Variants in TEKT2 observed in about 807,000 individuals in gnomAD.
TEKT2 encodes tektin-2.
Under a neutral mutation model 49.8 loss-of-function variants are expected in TEKT2, and 45 were observed. The ratio of observed to expected loss-of-function variants is 0.90; its 90% CI spans 0.71 to 1.16. The LOEUF (loss-of-function observed/expected upper bound fraction) is 1.16, where lower values mean the gene tolerates loss of function less well. Among genes scored for constraint, TEKT2 ranks in the 50% most tolerant of loss-of-function variants. The pLI is 0.00. For synonymous variants in TEKT2, 202 were observed against 224.6 expected, an observed-to-expected ratio of 0.90 and a Z score of 0.90; for missense variants, 523 against 551.4, an observed-to-expected ratio of 0.95 and a Z score of 0.52.
rs1484474839 is a variant in TEKT2, at chr1:36,087,054, C to A, written c.747+9C>A. 6.2e-7 allele frequency: 1 copy of A among 1,612,820 alleles called. No homozygotes were observed. The highest frequency in any genetic ancestry group is 1.7e-5 in the Admixed American group (1 of 59,974). On this transcript the variant is annotated intron_variant, in intron 6 of 9. Coordinates refer to ENST00000207457, the MANE Select transcript of TEKT2 (RefSeq NM_014466.3). This position sits in a 1 kb window ranked among gnomAD's most constrained non-coding sequence, Gnocchi z 4.9. ...CTCTAACTATTGCTGAGGTGACAGG[C>A]CACCCACAGCTAATGGATGGTCCCA...
At position 36,087,381 on chromosome 1, in the gene TEKT2, T is replaced by C. The variant is rs1643398367; in HGVS notation, c.856-58T>C. 6.2e-7 allele frequency: 1 copy of C among 1,613,750 alleles called. No homozygotes were observed. Among genetic ancestry groups the C allele is most frequent in the Non-Finnish European group, 8.5e-7 (1 of 1,179,960 alleles). On this transcript the variant is annotated intron_variant, in intron 7 of 9. Coordinates refer to ENST00000207457, the MANE Select transcript of TEKT2 (RefSeq NM_014466.3). The surrounding 1 kb of genome is among the most constrained non-coding windows in gnomAD (Gnocchi z 4.9). ...GCCGCATGCCCCCGCCAGGAGGCAC[T>C]GGACCAGGCATGCACGTGAGTCCAG...
chr1:36,086,149 A>G, intron 4 of TEKT2, 108 bp downstream of exon 4: 5 of 1,307,422 alleles, frequency 3.8e-6, no homozygotes, highest in Non-Finnish European at 5.4e-6. Flanking sequence ...CTCGTGCTAC[A>G]TTTTGGCCCT....
Position 36,087,583 on chromosome 1 carries a change from G to A in TEKT2, c.999+1G>A. ...CAACGTGGAACTCTGCCGGGACCAG[G>A]TGAGAGGGTGTCCCAGTGGCGCACG... On this transcript the variant is annotated splice_donor_variant, in intron 8 of 9. Coordinates refer to ENST00000207457, the MANE Select transcript of TEKT2 (RefSeq NM_014466.3). LOFTEE classifies it high-confidence loss of function. The surrounding 1 kb of genome is among the most constrained non-coding windows in gnomAD (Gnocchi z 4.9). 1.9e-6 allele frequency: 3 copies of A among 1,613,756 alleles called. No individual in the cohort carries two copies. The highest frequency in any genetic ancestry group is 2.5e-6 in the Non-Finnish European group (3 of 1,180,022).
rs1467044574 is a variant in TEKT2, at chr1:36,084,106, T to C, written c.-96T>C. The C allele has an allele frequency of 6.6e-6, 1 of 152,114 alleles. No individual in the cohort carries two copies. Among genetic ancestry groups the C allele is most frequent in the Non-Finnish European group, 1.5e-5 (1 of 68,092 alleles). The allele number at this position is 152,114 out of a possible 1,614,324, so 9.4% of individuals were successfully genotyped here. ...CCTAGCAACCGGTGGTGCCAAACAC[T>C]GGAGCTCAGAGCGGGGGGCGCGGAG... On this transcript the variant is annotated 5_prime_UTR_variant, in exon 1 of 10. Transcript: ENST00000207457. This position sits in a 1 kb window ranked among gnomAD's most constrained non-coding sequence, Gnocchi z 4.1.
At position 36,087,508 on chromosome 1, in the gene TEKT2, C is replaced by G; in HGVS notation, c.925C>G (p.Leu309Val). 6.2e-7 allele frequency: 1 copy of G among 1,613,852 alleles called. No individual in the cohort carries two copies. The highest frequency in any genetic ancestry group is 8.5e-7 in the Non-Finnish European group (1 of 1,180,028). ...HLEEDLRTKL[L>V]SLKLSHTRLE... is the part of the protein sequence containing the mutation. ...GGAGGAGGATCTGCGCACAAAGCTC[C>G]TGAGCCTGAAGCTGTCCCATACCCG... The change falls in exon 8 of 10, where the codon CTG becomes GTG. Residue 309 changes from leucine to valine, a missense_variant. Coordinates refer to ENST00000207457, the MANE Select transcript of TEKT2 (RefSeq NM_014466.3). The surrounding 1 kb of genome is among the most constrained non-coding windows in gnomAD (Gnocchi z 4.9).
In TEKT2 at chr1:36,086,999, A is replaced by C; in HGVS notation, c.701A>C (p.Lys234Thr). Residue 234 changes from lysine to threonine, a missense_variant, in exon 6 of 10, where the codon AAG becomes ACG. By Grantham distance (78) the Lys-to-Thr change is moderately conservative. Transcript: ENST00000207457. ...FNKDRAEAEM[K>T]AATELREATA... ...AAGGACCGAGCGGAGGCTGAGATGA[A>C]GGCAGCCACAGAGCTGAGGGAGGCC... 6.2e-7 allele frequency: 1 copy of C among 1,613,986 alleles called. No individual in the cohort carries two copies. Among genetic ancestry groups the C allele is most frequent in the Non-Finnish European group, 8.5e-7 (1 of 1,180,020 alleles).
rs766262806 is a variant in TEKT2, at chr1:36,085,821, C to T, written c.283-15C>T. The T allele has an allele frequency of 1.1e-4, 182 of 1,611,094 alleles. No homozygotes were observed. Among genetic ancestry groups the T allele is most frequent in the Middle Eastern group, 3.3e-4 (2 of 6,080 alleles). On this transcript the variant is annotated splice_polypyrimidine_tract_variant and intron_variant, in intron 3 of 9. Coordinates refer to ENST00000207457, the MANE Select transcript of TEKT2 (RefSeq NM_014466.3). ...AGATGTGAGCCACCGTGCCCGGCCGCGCCCTCTTTTCTAGATGAAGGAGTC... is the reference window on the plus strand; with the variant it reads ...AGATGTGAGCCACCGTGCCCGGCCGTGCCCTCTTTTCTAGATGAAGGAGTC...
rs771597143 is a variant in TEKT2, at chr1:36,085,024, T to C, written c.103T>C (p.Ser35Pro). 24 of 1,613,858 alleles carry C rather than the reference T, an allele frequency of 1.5e-5. No homozygotes were observed. The highest frequency in any genetic ancestry group is 1.7e-5 in the Non-Finnish European group (20 of 1,180,028). The change falls in exon 2 of 10, where the codon TCC becomes CCC. Residue 35 changes from serine to proline, a missense_variant. Physicochemically the swap from Ser to Pro is moderately conservative, Grantham distance 74 (BLOSUM62 -1). Coordinates refer to ENST00000207457, the MANE Select transcript of TEKT2 (RefSeq NM_014466.3). Reference sequence around the variant, plus strand: ...CAATGCCCAGCTGCAGCGAGATGCTTCCCATCAGATCCGCCAGGAGGCCCG... The same window carrying C: ...CAATGCCCAGCTGCAGCGAGATGCTCCCCATCAGATCCGCCAGGAGGCCCG... ...STNAQLQRDA[S>P]HQIRQEARVL...
At position 36,085,866 on chromosome 1, in the gene TEKT2, G is replaced by A. The variant is rs370996150; in HGVS notation, c.313G>A (p.Ala105Thr). The stretch of plus-strand genomic sequence containing the variant: ...GGAGTCAGCAGAGCAAAACCTGCAG[G>A]CCAAGAACCTGCCTCTGGATGTGGC... ...MKESAEQNLQ[A>T]KNLPLDVAIE... is the part of the protein sequence containing the mutation. Residue 105 changes from alanine to threonine, a missense_variant, in exon 4 of 10, where the codon GCC (alanine) becomes ACC (threonine). Coordinates refer to ENST00000207457, the MANE Select transcript of TEKT2 (RefSeq NM_014466.3). 53 of 1,613,786 alleles carry A rather than the reference G, an allele frequency of 3.3e-5. No homozygotes were observed. The Admixed American group carries it at 5.3e-4, about 16-fold the overall frequency.
chr1:36,085,186 C>A lies in TEKT2; in HGVS notation c.180C>A (p.Asn60Lys), dbSNP rs1281935619. Reference sequence around the variant, plus strand: ...AGACCATTTGGGATGAACATGACAACAGGACTCGACTGGTGGAGAGGATTG... The same window carrying A: ...AGACCATTTGGGATGAACATGACAAAAGGACTCGACTGGTGGAGAGGATTG... Reference protein sequence around the residue: ...NNQTIWDEHDNRTRLVERIDT... With the variant: ...NNQTIWDEHDKRTRLVERIDT... The change falls in exon 3 of 10, where the codon AAC (asparagine) becomes AAA (lysine). Residue 60 changes from asparagine (N) to lysine (K), a missense_variant. Coordinates refer to ENST00000207457, the MANE Select transcript of TEKT2 (RefSeq NM_014466.3). The A allele has an allele frequency of 3.1e-6, 5 of 1,614,122 alleles. No individual in the cohort carries two copies. The African/African-American group carries it at 5.3e-5, about 17-fold the overall frequency.
intron 3 of TEKT2, 178 bp from the exon 4 acceptor site, chr1:36,085,658 T>C (rs1365730201): frequency 1.4e-6 from 1 of 693,034 alleles, no homozygotes; most frequent in South Asian, 1.7e-5. Flanking sequence ...TAGCTGGGAC[T>C]ACAGGCGTGC....
Position 36,086,916 on chromosome 1 carries a change from C to A in TEKT2, c.633-15C>A. Reference sequence around the variant, plus strand: ...GCCACACCCTCATGACCCCCATTTTCCCTGCCACCTGCAGCTCCACCACAC... The same window carrying A: ...GCCACACCCTCATGACCCCCATTTTACCTGCCACCTGCAGCTCCACCACAC... On this transcript the variant is annotated splice_polypyrimidine_tract_variant and intron_variant, in intron 5 of 9. Coordinates refer to ENST00000207457, the MANE Select transcript of TEKT2 (RefSeq NM_014466.3). 2.5e-6 allele frequency: 4 copies of A among 1,613,944 alleles called. No homozygotes were observed. The highest frequency in any genetic ancestry group is 1.3e-5 in the African/African-American group (1 of 75,064).
In TEKT2 at chr1:36,087,618, G is replaced by A. The variant is rs764109938; in HGVS notation, c.999+36G>A. 1 of 1,613,380 alleles carries A rather than the reference G, an allele frequency of 6.2e-7. No homozygotes were observed. Among genetic ancestry groups the A allele is most frequent in the Admixed American group, 1.7e-5 (1 of 59,960 alleles). Reference sequence around the variant, plus strand: ...GTCCCAGTGGCGCACGGGCCCCCTAGCCAAGGTTTTCTCATATTCCTGATG... The same window carrying A: ...GTCCCAGTGGCGCACGGGCCCCCTAACCAAGGTTTTCTCATATTCCTGATG... On this transcript the variant is annotated intron_variant, in intron 8 of 9. Coordinates refer to ENST00000207457, the MANE Select transcript of TEKT2 (RefSeq NM_014466.3). The surrounding 1 kb of genome is among the most constrained non-coding windows in gnomAD (Gnocchi z 4.9).
At position 36,088,105 on chromosome 1, in the gene TEKT2, C is replaced by T. The variant is rs1461378720; in HGVS notation, c.1212C>T (p.Phe404=). The T allele has an allele frequency of 1.9e-6, 3 of 1,612,864 alleles. No individual in the cohort carries two copies. The highest frequency in any genetic ancestry group is 2.2e-5 in the East Asian group (1 of 44,852). ...AGCTGACCGTGCCTGCTGAGAGGTT[C>T]GTGCCTGAGGTGGACACCTTCACAC... ...RRKLTVPAER[F]VPEVDTFTRT... The change falls in exon 10 of 10, where the codon TTC becomes TTT. Residue 404 remains phenylalanine (F), a synonymous_variant. Coordinates refer to ENST00000207457, the MANE Select transcript of TEKT2 (RefSeq NM_014466.3).
chr1:36,085,738 T>G, intron 3 of TEKT2, 98 bp from the exon 4 acceptor site: 1 of 1,275,044 alleles, frequency 7.8e-7, no homozygotes, highest in Non-Finnish European at 1.1e-6. Flanking sequence ...CAGGCTGTTC[T>G]CGAACTCCTG....
At position 36,088,224 on chromosome 1, in the gene TEKT2, G is replaced by GC; in HGVS notation, c.*39dup. The GC allele has an allele frequency of 1.2e-5, 14 of 1,171,680 alleles. No homozygotes were observed. Among genetic ancestry groups the GC allele is most frequent in the Non-Finnish European group, 1.5e-5 (12 of 787,992 alleles). The allele number at this position is 1,171,680 out of a possible 1,614,324, so 72.6% of individuals were successfully genotyped here. The stretch of plus-strand genomic sequence containing the variant: ...GCAGGAGGAGGGCAGGGTTGGGTGG[G>GC]CAATGGAAGGAGGGAGGAGAGAAAT... On this transcript the variant is annotated 3_prime_UTR_variant, in exon 10 of 10. Transcript: ENST00000207457.
In TEKT2 at chr1:36,084,963, G is replaced by T. The variant is rs1408128164; in HGVS notation, c.42G>T (p.Leu14=). The change falls in exon 2 of 10, where the codon CTG becomes CTT. Residue 14 remains leucine, a synonymous_variant. Transcript: ENST00000207457. The surrounding 1 kb of genome is among the most constrained non-coding windows in gnomAD (Gnocchi z 4.1). The part of the protein sequence containing the change: ...LSVKPSRRFQ[L]PDWHTNSYLL... ...TCAAGCCAAGTCGGCGCTTCCAGCT[G>T]CCCGACTGGCACACTAACAGCTACC... 1 of 1,614,096 alleles carries T rather than the reference G, an allele frequency of 6.2e-7. No homozygotes were observed. Among genetic ancestry groups the T allele is most frequent in the East Asian group, 2.2e-5 (1 of 44,886 alleles).
At position 36,086,936 on chromosome 1, in the gene TEKT2, C is replaced by T; in HGVS notation, c.638C>T (p.Thr213Ile). 1 of 1,613,946 alleles carries T rather than the reference C, an allele frequency of 6.2e-7. No individual in the cohort carries two copies. The highest frequency in any genetic ancestry group is 8.5e-7 in the Non-Finnish European group (1 of 1,180,036). Residue 213 changes from threonine to isoleucine, a missense_variant, in exon 6 of 10, where the codon ACC becomes ATC. Coordinates refer to ENST00000207457, the MANE Select transcript of TEKT2 (RefSeq NM_014466.3). ...VDPTRVPDGS[T>I]TLQQWDDFSR... ...ATTTTCCCTGCCACCTGCAGCTCCA[C>T]CACACTCCAGCAGTGGGATGACTTC...
Position 36,086,008 on chromosome 1 carries a change from A to G in TEKT2, c.455A>G (p.Gln152Arg), listed in dbSNP as rs1013324757. ...ATCGAGGCCACCAAGAAGGCCTTGC[A>G]ACAGAAGGTCAGCCAGGCCTTCGAG... is the stretch of plus-strand genomic sequence containing the variant. ...EVIEATKKAL[Q>R]QKVSQAFEQL... Residue 152 changes from glutamine to arginine, a missense_variant, in exon 4 of 10, where the codon CAA becomes CGA. Transcript: ENST00000207457. 1.9e-6 allele frequency: 3 copies of G among 1,601,454 alleles called. No individual in the cohort carries two copies. Among genetic ancestry groups the G allele is most frequent in the African/African-American group, 2.7e-5 (2 of 74,678 alleles).
Sources: allele counts gnomAD v4.1 joint callset, GRCh38; gene constraint gnomAD v4.1.1; non-coding constraint Gnocchi (gnomAD v3.1); transcripts MANE v1.5; gene names NCBI Gene and HGNC (gene_info 2026-07-23, HGNC 2026-07-21).